The following ADAMTSL3 variants were observed in gnomAD, a reference collection of about 807,000 sequenced individuals.
The protein encoded by ADAMTSL3 is ADAMTS-like protein 3.
A neutral mutation model predicts 201.7 loss-of-function variants in ADAMTSL3; 128 were observed. The ratio of observed to expected loss-of-function variants is 0.63; its 90% CI spans 0.55 to 0.73. The LOEUF is 0.73. Among genes scored for constraint, ADAMTSL3 ranks in the 30% least tolerant of loss-of-function variants. The probability of loss-of-function intolerance (pLI) is 0.00; values close to 1 mark genes in which losing one functional copy is unlikely to be tolerated. For missense variants in ADAMTSL3, 1,990 were observed against 2,119.6 expected, an observed-to-expected ratio of 0.94 and a Z score of 1.20; for synonymous variants, 738 against 748.4, an observed-to-expected ratio of 0.99 and a Z score of 0.23.
At chr15:83,924,267 G>A (rs1481698337) in intron 17 of ADAMTSL3, among the ~76,000 whole-genome samples, 2 of 152,194 alleles carry the variant, frequency 1.3e-5, no homozygotes, top group East Asian at 1.9e-4. Flanking sequence ...CATCGAACAC[G>A]AATGAACATA....
intron 7 of ADAMTSL3, among the ~76,000 whole-genome samples, chr15:83,842,713 A>T (rs1237355193): frequency 1.3e-5 from 2 of 152,236 alleles, no homozygotes; most frequent in African/African-American, 4.8e-5. Flanking sequence ...TGTAGGACAA[A>T]CCAAAGTTTT....
chr15:84,000,921 C>A (rs918542892), intron 23 of ADAMTSL3, among the ~76,000 whole-genome samples: 1 of 152,142 alleles, frequency 6.6e-6, no homozygotes, highest in Non-Finnish European at 1.5e-5. Context: ...TAATGTCATG[C>A]TGAAACCGAT....
intron 17 of ADAMTSL3, among the ~76,000 whole-genome samples, chr15:83,939,227 A>G (rs991279372): frequency 1.3e-5 from 2 of 152,098 alleles, no homozygotes. Flanking sequence ...ACATAGGCTT[A>G]AATGAGTTGG....
chr15:83,723,299 C>CAGTGCT (rs1157941334), intron 3 of ADAMTSL3, among the ~76,000 whole-genome samples: 4 of 152,228 alleles, frequency 2.6e-5, no homozygotes, highest in Non-Finnish European at 5.9e-5. Flanking sequence ...TTTGCAAACC[C>CAGTGCT]AGTGCTAGTG....
At chr15:83,871,820 G>C (rs781697675) in intron 9 of ADAMTSL3, among the ~76,000 whole-genome samples, 1 of 152,112 alleles carries the variant, frequency 6.6e-6, no homozygotes, top group Non-Finnish European at 1.5e-5. Context: ...TGGTTTTGCC[G>C]TATCCTGTTT....
chr15:83,926,164 C>T (rs1418786040), intron 17 of ADAMTSL3, among the ~76,000 whole-genome samples: 1 of 152,152 alleles, frequency 6.6e-6, no homozygotes, highest in Non-Finnish European at 1.5e-5. Context: ...GACATAAACA[C>T]AGGCAGGAAT....
chr15:83,872,374 C>G (rs1321208358), intron 9 of ADAMTSL3, among the ~76,000 whole-genome samples: 2 of 152,092 alleles, frequency 1.3e-5, no homozygotes, highest in Non-Finnish European at 2.9e-5. Context: ...TTTATAGCAT[C>G]TGCCTAGCCT....
intron 12 of ADAMTSL3, 53 bp downstream of exon 12, chr15:83,891,432 C>G: frequency 2.1e-6 from 3 of 1,405,400 alleles, no homozygotes; most frequent in Non-Finnish European, 3.0e-6. Context: ...TTGCAAGGAA[C>G]TGTAGCATCT....
intron 3 of ADAMTSL3, among the ~76,000 whole-genome samples, chr15:83,743,050 CT>C (rs2062481485): frequency 6.6e-6 from 1 of 152,082 alleles, no homozygotes; most frequent in South Asian, 2.1e-4. Context: ...TTGCTTATAT[CT>C]AGTACTTACA....
At chr15:83,678,753 A>G (rs1267496757) in intron 2 of ADAMTSL3, among the ~76,000 whole-genome samples, 1 of 143,690 alleles carries the variant, frequency 7.0e-6, no homozygotes, top group Non-Finnish European at 1.5e-5. Flanking sequence ...TATATATTAT[A>G]TATATATTGT....
At chr15:83,666,641 C>T (rs949988550) in intron 2 of ADAMTSL3, among the ~76,000 whole-genome samples, 6 of 151,980 alleles carry the variant, frequency 3.9e-5, no homozygotes, top group African/African-American at 1.5e-4. Flanking sequence ...AGTTCAAGAC[C>T]AGTCTGCACA....
At chr15:83,796,740 C>T (rs2063433911) in intron 4 of ADAMTSL3, among the ~76,000 whole-genome samples, 1 of 152,010 alleles carries the variant, frequency 6.6e-6, no homozygotes, top group East Asian at 1.9e-4. Context: ...AATTGAGAGC[C>T]CAGAAACAGA....
intron 23 of ADAMTSL3, among the ~76,000 whole-genome samples, chr15:83,993,900 G>A (rs1461194850): frequency 6.6e-6 from 1 of 152,172 alleles, no homozygotes; most frequent in Admixed American, 6.5e-5. Context: ...TCAGGTTAAT[G>A]CATAGTAAGA....
At chr15:83,853,938 ATC>A (rs2064674952) in intron 7 of ADAMTSL3, among the ~76,000 whole-genome samples, 2 of 151,792 alleles carry the variant, frequency 1.3e-5, no homozygotes, top group African/African-American at 4.8e-5. Flanking sequence ...CTATCTATCT[ATC>A]TATCTATCTA....
At chr15:83,665,790 A>C (rs564826774) in intron 2 of ADAMTSL3, among the ~76,000 whole-genome samples, 3 of 152,312 alleles carry the variant, frequency 2.0e-5, no homozygotes, top group African/African-American at 4.8e-5. Flanking sequence ...GTATGCTATA[A>C]ATTATTGTGG....
At position 83,942,807 on chromosome 15, in the gene ADAMTSL3, T is replaced by C. The variant is rs760713146; in HGVS notation, c.2310+19T>C. On this transcript the variant is annotated intron_variant, in intron 18 of 29. Coordinates refer to ENST00000286744, the MANE Select transcript of ADAMTSL3 (RefSeq NM_207517.3). ...GCAGCAGGTAGGGCAGACTGGCCAC[T>C]CCAGGGCCCTCTGTGATTATGACTG... 1.2e-6 allele frequency: 2 copies of C among 1,610,610 alleles called. No individual in the cohort carries two copies. Among genetic ancestry groups the C allele is most frequent in the African/African-American group, 1.3e-5 (1 of 74,990 alleles).
intron 4 of ADAMTSL3, among the ~76,000 whole-genome samples, chr15:83,792,179 C>T (rs2063355007): frequency 6.6e-6 from 1 of 151,980 alleles, no homozygotes; most frequent in Non-Finnish European, 1.5e-5. Flanking sequence ...AAAAAATAAC[C>T]TGATTAAAAA....
intron 17 of ADAMTSL3, among the ~76,000 whole-genome samples, chr15:83,939,374 T>C (rs1278684113): frequency 2.6e-5 from 4 of 152,180 alleles, no homozygotes; most frequent in Non-Finnish European, 5.9e-5. Context: ...AAATTTAACT[T>C]AATAGATATA....
chr15:83,864,439 T>C (rs1029864858), intron 8 of ADAMTSL3, among the ~76,000 whole-genome samples: 11 of 152,284 alleles, frequency 7.2e-5, no homozygotes, highest in South Asian at 2.1e-4. Flanking sequence ...TTCATCCCTG[T>C]GATGCAAGGC....
Sources: allele counts gnomAD v4.1 joint callset (sites outside exome capture counted in the v4.1 genomes callset), GRCh38; gene constraint gnomAD v4.1.1; transcripts MANE v1.5; gene names NCBI Gene and HGNC (gene_info 2026-07-23, HGNC 2026-07-21).